Variants in TNS3 observed in about 807,000 individuals in gnomAD.
TNS3 encodes tensin 3.
In TNS3, 45 loss-of-function variants were observed where a neutral mutation model predicts 140.9. The ratio of observed to expected loss-of-function variants is 0.32; its 90% CI spans 0.25 to 0.41. The LOEUF (loss-of-function observed/expected upper bound fraction) is 0.41, where lower values mean the gene tolerates loss of function less well. Ranked by LOEUF, TNS3 falls within the 10% of genes least tolerant of loss-of-function variation. The pLI is 1.00. For synonymous variants in TNS3, 815 were observed against 788.4 expected, an observed-to-expected ratio of 1.03 and a Z score of -0.56; for missense variants, 1,716 against 1,906.7, an observed-to-expected ratio of 0.90 and a Z score of 1.86.
intron 1 of TNS3, among the ~76,000 whole-genome samples, chr7:47,540,013 A>C (rs1342215767): frequency 2.0e-5 from 3 of 152,138 alleles, no homozygotes; most frequent in Non-Finnish European, 2.9e-5. Context: ...CTTGGGTGGC[A>C]GACTGGCCTC....
Position 47,420,869 on chromosome 7 carries a change from G to GT in TNS3, c.473+3231dup, listed in dbSNP as rs539383016. Among the ~76,000 whole-genome samples, 382 of 152,274 alleles carry GT rather than the reference G, an allele frequency of 2.5e-3. 1 individual carries two copies. The highest frequency in any genetic ancestry group is 4.2e-3 in the Non-Finnish European group (287 of 68,034). The stretch of plus-strand genomic sequence containing the variant: ...GCAGACCCTTATGGATTCACTGCTG[G>GT]TAACTCGGATACCTTCCACCAGTAA... On this transcript the variant is annotated intron_variant, in intron 10 of 30. Coordinates refer to ENST00000311160, the MANE Select transcript of TNS3 (RefSeq NM_022748.12).
In TNS3 at chr7:47,369,004, G is replaced by T. The variant is rs372100937; in HGVS notation, c.1642C>A (p.Pro548Thr). 5.6e-6 allele frequency: 9 copies of T among 1,613,878 alleles called. No individual in the cohort carries two copies. The African/African-American group carries it at 1.1e-4, about 19-fold the overall frequency. The change falls in exon 17 of 31, where the codon CCC becomes ACC. Residue 548 changes from proline (P) to threonine (T), a missense_variant. Coordinates refer to ENST00000311160, the MANE Select transcript of TNS3 (RefSeq NM_022748.12). ...VPDLGLGMDG[P>T]YERERTFGSR... is the part of the protein sequence containing the mutation. ...CCAAAAGTCCGCTCCCGCTCATAGG[G>T]GCCGTCCATGCCAAGGCCCAGGTCC... is the stretch of plus-strand genomic sequence containing the variant.
At chr7:47,509,888 A>G (rs992949832) in intron 2 of TNS3, among the ~76,000 whole-genome samples, 12 of 152,022 alleles carry the variant, frequency 7.9e-5, no homozygotes, top group Non-Finnish European at 1.8e-4. Context: ...CCCTGTGTCC[A>G]TCTCTCCCGA....
chr7:47,558,079 C>T (rs1449927793), intron 1 of TNS3, among the ~76,000 whole-genome samples: 1 of 152,208 alleles, frequency 6.6e-6, no homozygotes, highest in African/African-American at 2.4e-5. Flanking sequence ...CAGGCCCAGG[C>T]TGGCCCTCCA....
At chr7:47,311,029 A>C (rs963725278) in intron 20 of TNS3, among the ~76,000 whole-genome samples, 2 of 152,126 alleles carry the variant, frequency 1.3e-5, no homozygotes, top group Non-Finnish European at 2.9e-5. Context: ...CAATAAGCAT[A>C]CGTGTGCATG....
chr7:47,345,215 A>G (rs1789265082), intron 18 of TNS3, among the ~76,000 whole-genome samples, 177 bp from the exon 19 acceptor site: 1 of 152,224 alleles, frequency 6.6e-6, no homozygotes, highest in African/African-American at 2.4e-5. Flanking sequence ...TCTCCTAGCC[A>G]TGGAAAACTG....
chr7:47,344,857 C>A lies in TNS3; in HGVS notation c.2567-19G>T. Reference sequence around the variant, plus strand: ...GTTTTCACTGGAAAAGAAAGCAGAGCAAGGGGCTGTTGTCACCCTCCTTGG... The same window carrying A: ...GTTTTCACTGGAAAAGAAAGCAGAGAAAGGGGCTGTTGTCACCCTCCTTGG... On this transcript the variant is annotated intron_variant, in intron 19 of 30. Coordinates refer to ENST00000311160, the MANE Select transcript of TNS3 (RefSeq NM_022748.12). The A allele has an allele frequency of 6.2e-7, 1 of 1,613,846 alleles. No individual in the cohort carries two copies.
intron 17 of TNS3, among the ~76,000 whole-genome samples, chr7:47,363,021 TCATCAC>T (rs1356731554): frequency 4.7e-5 from 2 of 42,264 alleles, no homozygotes; most frequent in South Asian, 7.1e-4. Flanking sequence ...ATCATCAGGG[TCATCAC>T]CATCACCATC....
At chr7:47,449,030 C>G (rs898995503) in intron 4 of TNS3, among the ~76,000 whole-genome samples, 1 of 152,192 alleles carries the variant, frequency 6.6e-6, no homozygotes, top group Non-Finnish European at 1.5e-5. Flanking sequence ...CAATGCCTGC[C>G]TGAGACTAAC....
At chr7:47,444,140 C>T (rs189846075) in intron 4 of TNS3, among the ~76,000 whole-genome samples, 15 of 152,310 alleles carry the variant, frequency 9.8e-5, no homozygotes, top group African/African-American at 3.4e-4. Flanking sequence ...ACCAGGGTCC[C>T]ATTTAATTCA....
In TNS3 at chr7:47,303,612, A is replaced by C. The variant is rs188465568; in HGVS notation, c.2823-28T>G. On this transcript the variant is annotated intron_variant, in intron 21 of 30. Coordinates refer to ENST00000311160, the MANE Select transcript of TNS3 (RefSeq NM_022748.12). ...GTTCAAAAGACAAGCCGACCAAGAC[A>C]GCATGTAAGGTACAAAGAGACACCT... The C allele has an allele frequency of 4.6e-5, 71 of 1,557,544 alleles. No homozygotes were observed. In the East Asian group the frequency reaches 1.5e-3, roughly 33 times the overall value.
intron 3 of TNS3, among the ~76,000 whole-genome samples, chr7:47,485,752 C>G (rs1797586912): frequency 2.0e-5 from 3 of 152,230 alleles, no homozygotes; most frequent in Admixed American, 1.3e-4. Context: ...TCTACTGTTC[C>G]CAAGGAAACC....
intron 3 of TNS3, among the ~76,000 whole-genome samples, chr7:47,493,878 C>T (rs58307397): frequency 0.07 from 10,585 of 151,530 alleles, 1,171 homozygotes; most frequent in African/African-American, 0.23. Context: ...ACCCTAAGAG[C>T]TCACAACTTA....
chr7:47,458,303 C>T (rs1255930336), intron 4 of TNS3, among the ~76,000 whole-genome samples: 2 of 152,190 alleles, frequency 1.3e-5, no homozygotes, highest in Non-Finnish European at 2.9e-5. Context: ...GGGGCTCTGC[C>T]AAAGGGCAGC....
At chr7:47,474,656 CA>C (rs1479178690) in intron 4 of TNS3, among the ~76,000 whole-genome samples, 2 of 147,706 alleles carry the variant, frequency 1.4e-5, no homozygotes, top group East Asian at 2.0e-4. Context: ...ACAACACACA[CA>C]AAAAACACCT....
chr7:47,447,183 G>A (rs972466216), intron 4 of TNS3, among the ~76,000 whole-genome samples: 1 of 151,276 alleles, frequency 6.6e-6, no homozygotes, highest in Non-Finnish European at 1.5e-5. Flanking sequence ...AGTGAAAAGT[G>A]AGGAGAGGCA....
intron 1 of TNS3, among the ~76,000 whole-genome samples, chr7:47,572,329 G>A (rs1319307843): frequency 6.6e-6 from 1 of 152,180 alleles, no homozygotes; most frequent in East Asian, 1.9e-4. Flanking sequence ...AGAACCATTC[G>A]CGCGGTAGTC....
chr7:47,454,551 T>C (rs1329795301), intron 4 of TNS3, among the ~76,000 whole-genome samples: 1 of 152,066 alleles, frequency 6.6e-6, no homozygotes, highest in Non-Finnish European at 1.5e-5. Flanking sequence ...GCATGTGTTG[T>C]TTCCAGTCCA....
At chr7:47,422,675 T>C (rs970492103) in intron 10 of TNS3, among the ~76,000 whole-genome samples, 1 of 152,076 alleles carries the variant, frequency 6.6e-6, no homozygotes, top group African/African-American at 2.4e-5. Context: ...TTCCATATTC[T>C]TTTAATGTTA....
Sources: allele counts gnomAD v4.1 joint callset (sites outside exome capture counted in the v4.1 genomes callset), GRCh38; gene constraint gnomAD v4.1.1; transcripts MANE v1.5; gene names NCBI Gene and HGNC (gene_info 2026-07-23, HGNC 2026-07-21).